MANBA: variants seen among roughly 807,000 people sequenced by gnomAD.
The protein encoded by MANBA is mannosidase beta.
A neutral mutation model predicts 111.1 loss-of-function variants in MANBA; 83 were observed. The observed-to-expected ratio is 0.75, with a 90% CI of 0.63 to 0.90. The LOEUF (loss-of-function observed/expected upper bound fraction) is 0.90. MANBA is among the 40% of genes least tolerant of loss of function. MANBA has a pLI of 0.00. For missense variants in MANBA, 1,036 were observed against 1,069.0 expected (o/e 0.97, Z 0.43); for synonymous variants, 370 against 378.7 (o/e 0.98, Z 0.27).
intron 13 of MANBA, among the ~76,000 whole-genome samples, chr4:102,645,844 T>A (rs760895528): frequency 8.5e-5 from 13 of 152,174 alleles, no homozygotes; most frequent in Admixed American, 2.6e-4. Context: ...TTCACTGGTT[T>A]TCTCCAGTGT....
chr4:102,657,892 C>G lies in MANBA; in HGVS notation c.1494G>C (p.Lys498Asn). 2 of 1,603,032 alleles carry G rather than the reference C, an allele frequency of 1.2e-6. No homozygotes were observed. Among genetic ancestry groups the G allele is most frequent in the Non-Finnish European group, 8.5e-7 (1 of 1,169,906 alleles). The change falls in exon 12 of 17, where the codon AAG (lysine) becomes AAC (asparagine). Residue 498 changes from lysine to asparagine, a missense_variant. Physicochemically the swap from Lys to Asn is moderately conservative, Grantham distance 94 (BLOSUM62 0). Transcript: ENST00000647097. ...GACTGGACGTAATAAAAGGACGACT[C>G]TTGTCTCCCTGAGTTCAGAAATAAA... ...NIRELVLAGD[K>N]SRPFITSSPT...
chr4:102,639,920 A>G (rs1729807191), intron 13 of MANBA, 63 bp from the exon 14 acceptor site: 2 of 1,571,404 alleles, frequency 1.3e-6, no homozygotes, highest in African/African-American at 2.7e-5. Flanking sequence ...TAGATCTGAG[A>G]AAAATACAGG....
chr4:102,669,065 A>C lies in MANBA; in HGVS notation c.1231-16T>G, dbSNP rs1219560741. ...CCTGCCATACCTAGCAAATCAAATAAAAGGGAATGCAACACTTCCATAAGT... is the reference window on the plus strand; with the variant it reads ...CCTGCCATACCTAGCAAATCAAATACAAGGGAATGCAACACTTCCATAAGT... On this transcript the variant is annotated splice_polypyrimidine_tract_variant and intron_variant, in intron 9 of 16. Transcript: ENST00000647097. 1.9e-6 allele frequency: 3 copies of C among 1,574,726 alleles called. No homozygotes were observed. Among genetic ancestry groups the C allele is most frequent in the Non-Finnish European group, 2.6e-6 (3 of 1,145,182 alleles).
chr4:102,633,602 T>A, intron 16 of MANBA: 1 of 395,300 alleles, frequency 2.5e-6, no homozygotes, highest in Admixed American at 4.4e-5. Flanking sequence ...TTTATCTCTT[T>A]AAGAAGGACA....
At chr4:102,638,523 T>A (rs1729728116) in intron 14 of MANBA, among the ~76,000 whole-genome samples, 1 of 152,142 alleles carries the variant, frequency 6.6e-6, no homozygotes, top group African/African-American at 2.4e-5. Context: ...ATAATCTGCA[T>A]GGGATCACTT....
rs746340334 is a variant in MANBA at position 102,639,815 on chromosome 4, G to A, written c.1912C>T (p.Arg638Cys). 1.0e-4 allele frequency: 161 copies of A among 1,613,852 alleles called. No individual in the cohort carries two copies. The highest frequency in any genetic ancestry group is 1.2e-4 in the Non-Finnish European group (136 of 1,179,948). The stretch of plus-strand genomic sequence containing the variant: ...TCCACTATCTCGCTGCGACTACGGC[G>A]GTAGAATTCAGTTTCTGTTTTGACA... The part of the protein sequence containing the change: ...QCVKTETEFY[R>C]RSRSEIVDQQ... The change falls in exon 14 of 17, where the codon CGC (arginine) becomes TGC (cysteine). Residue 638 changes from arginine (R) to cysteine (C), a missense_variant. Transcript: ENST00000647097.
At chr4:102,668,108 C>G (rs1731307002) in intron 10 of MANBA, 1 of 152,128 alleles carries the variant, frequency 6.6e-6, no homozygotes, top group African/African-American at 2.4e-5. Context: ...ACATGGAAAC[C>G]CATGCCATGC....
At chr4:102,707,016 A>C (rs1158073332) in intron 5 of MANBA, among the ~76,000 whole-genome samples, 1 of 152,242 alleles carries the variant, frequency 6.6e-6, no homozygotes, top group Non-Finnish European at 1.5e-5. Flanking sequence ...TATTTAACAA[A>C]ATAATAGCTG....
intron 10 of MANBA, 118 bp downstream of exon 10, chr4:102,668,845 G>A (rs899981611): frequency 4.7e-5 from 37 of 784,522 alleles, no homozygotes; most frequent in Non-Finnish European, 7.7e-5. Context: ...TTACCTGGCT[G>A]TGTAATTTTT....
intron 1 of MANBA, chr4:102,730,413 A>G (rs961981133): frequency 3.2e-5 from 15 of 472,864 alleles, no homozygotes; most frequent in African/African-American, 2.8e-4. Context: ...TGGCACCTAG[A>G]TAAGGGTTCA....
At chr4:102,651,289 T>A (rs1730322997) in intron 12 of MANBA, among the ~76,000 whole-genome samples, 1 of 151,800 alleles carries the variant, frequency 6.6e-6, no homozygotes, top group South Asian at 2.1e-4. Context: ...TAATGTTACT[T>A]CTCTCCCCTA....
chr4:102,660,027 C>T (rs1282434442), intron 11 of MANBA, among the ~76,000 whole-genome samples: 1 of 152,186 alleles, frequency 6.6e-6, no homozygotes, highest in Non-Finnish European at 1.5e-5. Flanking sequence ...GCCACACCTG[C>T]ACACTTGACC....
chr4:102,632,105 A>G lies in MANBA; in HGVS notation c.2592T>C (p.Asn864=), dbSNP rs1578852747. Residue 864 remains asparagine (N), a synonymous_variant, in exon 17 of 17, where the codon AAT becomes AAC. Transcript: ENST00000647097. ...LFYPWEPTSK[N]ELEQSFHVTS... is the part of the protein sequence containing the mutation. Reference sequence around the variant, plus strand: ...TCACATGAAAAGATTGCTCCAACTCATTCTTGCTGGTGGGCTCCCAAGGGT... The same window carrying G: ...TCACATGAAAAGATTGCTCCAACTCGTTCTTGCTGGTGGGCTCCCAAGGGT... 9.3e-6 allele frequency: 15 copies of G among 1,612,632 alleles called. No homozygotes were observed. The highest frequency in any genetic ancestry group is 1.2e-5 in the Non-Finnish European group (14 of 1,179,286).
chr4:102,741,736 G>A (rs1723411165), intron 1 of MANBA, among the ~76,000 whole-genome samples: 1 of 152,166 alleles, frequency 6.6e-6, no homozygotes, highest in African/African-American at 2.4e-5. Context: ...GGATGCAAAA[G>A]GCTTAAGAAT....
chr4:102,746,584 C>T (rs1459965957), intron 1 of MANBA, among the ~76,000 whole-genome samples: 5 of 152,212 alleles, frequency 3.3e-5, no homozygotes, highest in South Asian at 2.1e-4. Flanking sequence ...TTGCCTCTCA[C>T]GAGCAGTGAA....
intron 1 of MANBA, chr4:102,751,574 G>T (rs543427617): frequency 7.4e-6 from 4 of 537,814 alleles, no homozygotes; most frequent in South Asian, 5.5e-5. Flanking sequence ...TCCTTATTAA[G>T]GGCCAGTTTC....
chr4:102,758,399 A>T (rs1724105516), intron 1 of MANBA, among the ~76,000 whole-genome samples: 1 of 152,214 alleles, frequency 6.6e-6, no homozygotes, highest in Admixed American at 6.5e-5. Context: ...ACACAAACAC[A>T]ATATTTGGCC....
intron 12 of MANBA, among the ~76,000 whole-genome samples, chr4:102,651,595 C>T (rs1051390814): frequency 3.3e-5 from 5 of 152,106 alleles, no homozygotes; most frequent in African/African-American, 1.2e-4. Flanking sequence ...ACATACTCTG[C>T]CCCTCCACCC....
chr4:102,634,724 G>GC, intron 16 of MANBA, 64 bp downstream of exon 16: 1 of 1,601,002 alleles, frequency 6.2e-7, no homozygotes, highest in Admixed American at 1.7e-5. Context: ...CAAGGAGCTG[G>GC]CCCAAGAGCA....
Sources: allele counts gnomAD v4.1 joint callset (sites outside exome capture counted in the v4.1 genomes callset), GRCh38; gene constraint gnomAD v4.1.1; transcripts MANE v1.5; gene names NCBI Gene and HGNC (gene_info 2026-07-23, HGNC 2026-07-21).